PLEKHA5: variants seen among roughly 807,000 people sequenced by gnomAD.
PLEKHA5 encodes pleckstrin homology domain containing A5.
Under a neutral mutation model 181.9 loss-of-function variants are expected in PLEKHA5, and 55 were observed. That is an observed-to-expected ratio of 0.30 (90% CI 0.24 to 0.38). The LOEUF is 0.38. PLEKHA5 is among the 10% of genes least tolerant of loss of function. PLEKHA5 has a pLI of 1.00. For missense variants in PLEKHA5, 1,432 were observed against 1,549.5 expected (o/e 0.92, Z 1.27); for synonymous variants, 535 against 529.4 (o/e 1.01, Z -0.15).
intron 3 of PLEKHA5, among the ~76,000 whole-genome samples, chr12:19,237,292 T>G (rs1435040274): frequency 1.3e-5 from 2 of 152,176 alleles, no homozygotes; most frequent in African/African-American, 4.8e-5. Context: ...GGGAATGTCT[T>G]CCTCTTAGTC....
intron 3 of PLEKHA5, among the ~76,000 whole-genome samples, chr12:19,132,678 A>G (rs2034286950): frequency 2.0e-5 from 3 of 151,738 alleles, no homozygotes; most frequent in Admixed American, 2.0e-4. Flanking sequence ...TGATTTGGAA[A>G]TTAGATCATT....
At chr12:19,332,993 C>T (rs1331525749) in intron 20 of PLEKHA5, among the ~76,000 whole-genome samples, 2 of 152,198 alleles carry the variant, frequency 1.3e-5, no homozygotes, top group Non-Finnish European at 2.9e-5. Context: ...TACTCTTTGC[C>T]TGGCTTCCTT....
chr12:19,360,681 A>C (rs2095197356), intron 28 of PLEKHA5, among the ~76,000 whole-genome samples: 1 of 152,212 alleles, frequency 6.6e-6, no homozygotes, highest in South Asian at 2.1e-4. Context: ...AAACATAATC[A>C]GTCACAGCTA....
At chr12:19,200,218 C>T (rs1158424633) in intron 3 of PLEKHA5, 1 of 729,304 alleles carries the variant, frequency 1.4e-6, no homozygotes, top group African/African-American at 1.8e-5. Context: ...ACTTTCCATG[C>T]AGCAACAAAA....
chr12:19,347,107 C>T lies in PLEKHA5; in HGVS notation c.2823C>T (p.Ser941=), dbSNP rs576969673. The T allele has an allele frequency of 1.3e-6, 2 of 1,550,542 alleles. No homozygotes were observed. The highest frequency in any genetic ancestry group is 1.7e-6 in the Non-Finnish European group (2 of 1,146,002). ...PSDSSSLLCY[S]RGPVHLPEEK... ...ATAGCAGCTCCTTGCTCTGTTATAGCAGGGGCCCAGTTCATCTGCCTGAAG... is the reference window on the plus strand; with the variant it reads ...ATAGCAGCTCCTTGCTCTGTTATAGTAGGGGCCCAGTTCATCTGCCTGAAG... Residue 941 remains serine, a synonymous_variant, in exon 24 of 32, where the codon AGC becomes AGT. Coordinates refer to ENST00000429027, the MANE Select transcript of PLEKHA5 (RefSeq NM_001256470.2).
chr12:19,214,371 A>G (rs1315594648), intron 3 of PLEKHA5, among the ~76,000 whole-genome samples: 1 of 152,198 alleles, frequency 6.6e-6, no homozygotes, highest in Non-Finnish European at 1.5e-5. Flanking sequence ...TAGAATTAAG[A>G]TTACAGTTAA....
chr12:19,262,890 C>G (rs889751862), intron 7 of PLEKHA5, among the ~76,000 whole-genome samples: 6 of 152,084 alleles, frequency 3.9e-5, no homozygotes, highest in African/African-American at 1.4e-4. Context: ...GAAAAACAAA[C>G]AAACAAAAAA....
chr12:19,318,294 A>C (rs1207308202), intron 16 of PLEKHA5, among the ~76,000 whole-genome samples: 1 of 152,080 alleles, frequency 6.6e-6, no homozygotes, highest in Non-Finnish European at 1.5e-5. Context: ...TAGAAATACC[A>C]CAAAAATCTG....
intron 3 of PLEKHA5, chr12:19,200,449 T>C: frequency 6.9e-7 from 1 of 1,450,182 alleles, no homozygotes; most frequent in South Asian, 1.4e-5. Context: ...AAACAGCATA[T>C]TCTAAACTGA....
Position 19,274,892 on chromosome 12 carries a change from G to T in PLEKHA5, c.1222G>T (p.Asp408Tyr). ...PNTGPLYTEA[D>Y]RVIQRTNSMQ... ...TACAGGGCCCTTATACACAGAGGCC[G>T]ATCGAGTCATACAGAGAACAAATTC... The change falls in exon 11 of 32, where the codon GAT (aspartate) becomes TAT (tyrosine). Residue 408 changes from aspartate to tyrosine, a missense_variant. Around this residue, in one of 2 missense-constraint regions of PLEKHA5, gnomAD observed 1,143 missense variants for 1,168.4 expected, o/e 0.98. Transcript: ENST00000429027. 6.2e-7 allele frequency: 1 copy of T among 1,613,958 alleles called. No individual in the cohort carries two copies. Among genetic ancestry groups the T allele is most frequent in the Non-Finnish European group, 8.5e-7 (1 of 1,180,012 alleles).
chr12:19,261,775 T>G (rs78443400), intron 7 of PLEKHA5, among the ~76,000 whole-genome samples: 2,224 of 152,332 alleles, frequency 0.015, 44 homozygotes, highest in East Asian at 0.062. Context: ...AAGTATAGCT[T>G]ATAAGATATA....
chr12:19,193,806 A>C (rs566314271), intron 3 of PLEKHA5, among the ~76,000 whole-genome samples: 64 of 152,292 alleles, frequency 4.2e-4, no homozygotes, highest in Middle Eastern at 3.4e-3. Flanking sequence ...CTGTGCAAGG[A>C]TGGTGCTGGC....
rs145541511 is a variant in PLEKHA5, at chr12:19,266,754, A to T, written c.711+904A>T. Among the ~76,000 whole-genome samples, 302 of 152,226 alleles carry T rather than the reference A, an allele frequency of 2.0e-3. 1 individual carries two copies. Among genetic ancestry groups the T allele is most frequent in the African/African-American group, 6.9e-3 (288 of 41,552 alleles). On this transcript the variant is annotated intron_variant, in intron 8 of 31. Coordinates refer to ENST00000429027, the MANE Select transcript of PLEKHA5 (RefSeq NM_001256470.2). ...AGCCAAGATTGCACCACTGTACTCCAGCCTAGGTGACAGAGTGAGACTCTG... is the reference window on the plus strand; with the variant it reads ...AGCCAAGATTGCACCACTGTACTCCTGCCTAGGTGACAGAGTGAGACTCTG...
At chr12:19,272,879 T>G (rs1388995376) in intron 10 of PLEKHA5, among the ~76,000 whole-genome samples, 1 of 152,186 alleles carries the variant, frequency 6.6e-6, no homozygotes, top group Non-Finnish European at 1.5e-5. Context: ...GGGATACATA[T>G]GCTTTTAGTG....
chr12:19,197,457 T>C (rs1037666338), intron 3 of PLEKHA5, among the ~76,000 whole-genome samples: 2 of 152,198 alleles, frequency 1.3e-5, no homozygotes, highest in Non-Finnish European at 2.9e-5. Context: ...TCCTGACTCC[T>C]CTTTAATTTC....
intron 3 of PLEKHA5, among the ~76,000 whole-genome samples, chr12:19,165,988 T>A (rs2044283094): frequency 6.6e-6 from 1 of 152,098 alleles, no homozygotes. Flanking sequence ...ATGAAAAAAA[T>A]GGTTTTATTG....
chr12:19,269,892 G>C lies in PLEKHA5; in HGVS notation c.827+7G>C. 7.0e-7 allele frequency: 1 copy of C among 1,430,716 alleles called. No homozygotes were observed. The highest frequency in any genetic ancestry group is 1.4e-5 in the African/African-American group (1 of 71,444). The allele number at this position is 1,430,716 out of a possible 1,614,324, so 88.6% of individuals were successfully genotyped here. A position where few individuals can be genotyped will look rare whatever the true frequency, so the allele number is the denominator to read the frequency against. Reference sequence around the variant, plus strand: ...AGACAGAACCTGTGAAAAGGTAAAGGCTTGTAGAAAAAATGATGGTGATTT... The same window carrying C: ...AGACAGAACCTGTGAAAAGGTAAAGCCTTGTAGAAAAAATGATGGTGATTT... On this transcript the variant is annotated splice_region_variant and intron_variant, in intron 9 of 31. Coordinates refer to ENST00000429027, the MANE Select transcript of PLEKHA5 (RefSeq NM_001256470.2).
chr12:19,262,148 T>A (rs1420354040), intron 7 of PLEKHA5, among the ~76,000 whole-genome samples: 2 of 152,218 alleles, frequency 1.3e-5, no homozygotes, highest in Non-Finnish European at 2.9e-5. Flanking sequence ...CTCGTCTCTT[T>A]TTCAGTATAT....
At chr12:19,213,971 TATG>T (rs1852531029) in intron 3 of PLEKHA5, among the ~76,000 whole-genome samples, 1 of 152,138 alleles carries the variant, frequency 6.6e-6, no homozygotes, top group South Asian at 2.1e-4. Flanking sequence ...TAATAATAAT[TATG>T]ATAATACTAA....
Sources: gnomAD v4.1 joint callset for allele counts (sites outside exome capture counted in the v4.1 genomes callset) on GRCh38, gnomAD v4.1.1 for gene constraint, gnomAD v4.1.1 regional missense constraint, MANE v1.5 for transcripts, NCBI Gene and HGNC (gene_info 2026-07-23, HGNC 2026-07-21) for gene names.